The following DNAH17 variants were observed in gnomAD, a reference collection of about 807,000 sequenced individuals.
DNAH17 encodes axonemal beta dynein heavy chain 17.
DNAH17 carries 376 observed loss-of-function variants against 485.6 expected under a neutral mutation model. The observed-to-expected ratio is 0.77, with a 90% CI of 0.71 to 0.84. DNAH17 has a LOEUF of 0.84. Ranked by LOEUF, DNAH17 falls within the 40% of genes least tolerant of loss-of-function variation. The pLI, the probability that DNAH17 is intolerant of heterozygous loss-of-function variation, is 0.00. For missense variants in DNAH17, 6,370 were observed against 5,839.3 expected (o/e 1.09, Z -2.96); for synonymous variants, 3,031 against 2,405.9 (o/e 1.26, Z -7.60).
At position 78,434,238 on chromosome 17, in the gene DNAH17, C is replaced by T. The variant is rs573808870; in HGVS notation, c.12034-18G>A. The T allele has an allele frequency of 3.1e-5, 50 of 1,592,884 alleles. No individual in the cohort carries two copies. The highest frequency in any genetic ancestry group is 6.7e-5 in the African/African-American group (5 of 74,688). ...AGGGTGTCCTGTGGGGCACACGCTCCGGTCAGGTATTAGGGAGAGGGAGAA... is the reference window on the plus strand; with the variant it reads ...AGGGTGTCCTGTGGGGCACACGCTCTGGTCAGGTATTAGGGAGAGGGAGAA... On this transcript the variant is annotated intron_variant, in intron 74 of 80. Coordinates refer to ENST00000389840, the MANE Select transcript of DNAH17 (RefSeq NM_173628.4).
chr17:78,491,368 G>A (rs962084730), intron 43 of DNAH17, 75 bp downstream of exon 43: 274 of 1,551,846 alleles, frequency 1.8e-4, no homozygotes, highest in Non-Finnish European at 2.2e-4. Flanking sequence ...TGAGTGCTCC[G>A]TAGGCGCCTC....
chr17:78,568,227 C>G (rs1394711094), intron 9 of DNAH17, among the ~76,000 whole-genome samples: 3 of 152,060 alleles, frequency 2.0e-5, no homozygotes, highest in Non-Finnish European at 1.5e-5. Flanking sequence ...GCTCCTTGGC[C>G]CAAAGTGTGA....
chr17:78,553,319 TA>T (rs754561606), intron 14 of DNAH17, among the ~76,000 whole-genome samples: 1,607 of 28,640 alleles, frequency 0.056, 468 homozygotes, highest in African/African-American at 0.08. Flanking sequence ...TTTTTTTTTT[TA>T]AGATGGAGTC....
intron 11 of DNAH17, among the ~76,000 whole-genome samples, chr17:78,564,820 C>CA (rs1194064026): frequency 6.6e-6 from 1 of 152,068 alleles, no homozygotes; most frequent in Non-Finnish European, 1.5e-5. Context: ...CATTAGTATA[C>CA]AAATGAATAT....
At position 78,458,773 on chromosome 17, in the gene DNAH17, G is replaced by T. The variant is rs944887917; in HGVS notation, c.9862-93C>A. ...CAGGGCTGGGCCCTGTGAGCGCTGA[G>T]CGTGGAAGAGGCTCCCACAAAGGCT... On this transcript the variant is annotated intron_variant, in intron 61 of 80. Coordinates refer to ENST00000389840, the MANE Select transcript of DNAH17 (RefSeq NM_173628.4). The T allele has an allele frequency of 4.9e-6, 6 of 1,231,176 alleles. No homozygotes were observed. In the African/African-American group the frequency reaches 9.0e-5, roughly 18 times the overall value. 76.3% of individuals were successfully genotyped at this position (1,231,176 alleles called of 1,614,324 possible). A position where few individuals can be genotyped will look rare whatever the true frequency, so the allele number is the denominator to read the frequency against.
chr17:78,528,372 C>T (rs1468365826), intron 22 of DNAH17, among the ~76,000 whole-genome samples: 2 of 152,092 alleles, frequency 1.3e-5, no homozygotes, highest in East Asian at 1.9e-4. Flanking sequence ...CTGATCCTCC[C>T]ACCTCCTGAG....
At position 78,548,202 on chromosome 17, in the gene DNAH17, C is replaced by CTTTTTTTTTTTTTTTTT. The variant is rs34701814; in HGVS notation, c.2391+3316_2391+3332dup. Among the ~76,000 whole-genome samples the CTTTTTTTTTTTTTTTTT allele has an allele frequency of 2.6e-4, 21 of 80,114 alleles. 3 individuals are homozygous for CTTTTTTTTTTTTTTTTT. Among genetic ancestry groups the CTTTTTTTTTTTTTTTTT allele is most frequent in the African/African-American group, 8.0e-4 (15 of 18,716 alleles). 52.6% of individuals were successfully genotyped at this position (80,114 alleles called of 152,430 possible). A position where few individuals can be genotyped will look rare whatever the true frequency, so the allele number is the denominator to read the frequency against. ...GTTGTTATTTCGTAGATGTCATGGC[C>CTTTTTTTTTTTTTTTTT]TTTTTTTTTTTTTTTTTTTGGAGAC... On this transcript the variant is annotated intron_variant, in intron 16 of 80. Coordinates refer to ENST00000389840, the MANE Select transcript of DNAH17 (RefSeq NM_173628.4).
intron 75 of DNAH17, 72 bp downstream of exon 75, chr17:78,433,957 G>GAGGGAAGGAGGA: frequency 7.7e-7 from 1 of 1,298,560 alleles, no homozygotes. Flanking sequence ...GGGAAGGAGG[G>GAGGGAAGGAGGA]AGGGAAGGAG....
chr17:78,512,213 C>T (rs917279782), intron 26 of DNAH17, among the ~76,000 whole-genome samples: 18 of 152,222 alleles, frequency 1.2e-4, no homozygotes, highest in Non-Finnish European at 1.8e-4. Context: ...TAAGCATTGC[C>T]GCTGTGCAGG....
chr17:78,479,424 C>G, intron 50 of DNAH17, 61 bp downstream of exon 50: 1 of 1,514,112 alleles, frequency 6.6e-7, no homozygotes, highest in Non-Finnish European at 8.8e-7. Flanking sequence ...TGTGAAGAAC[C>G]ATCAGCCCAC....
At chr17:78,507,200 G>T in intron 29 of DNAH17, 78 bp downstream of exon 29, 1 of 1,539,882 alleles carries the variant, frequency 6.5e-7, no homozygotes, top group Non-Finnish European at 8.9e-7. Flanking sequence ...GGCTGCACAA[G>T]ACTTAAGTTC....
chr17:78,475,317 C>A lies in DNAH17; in HGVS notation c.8472G>T (p.Gln2824His). ...TCCCGTAGCCCTTCTTGAGGGTGATCTGAAACACGTCAAGCCCGCTGATGT... is the reference window on the plus strand; with the variant it reads ...TCCCGTAGCCCTTCTTGAGGGTGATATGAAACACGTCAAGCCCGCTGATGT... The part of the protein sequence containing the change: ...AAYISGLDVF[Q>H]ITLKKGYGIP... The change falls in exon 54 of 81, where the codon CAG (glutamine) becomes CAT (histidine). Residue 2824 changes from glutamine (Q) to histidine (H), a missense_variant. Physicochemically the swap from Gln to His is conservative, Grantham distance 24. Coordinates refer to ENST00000389840, the MANE Select transcript of DNAH17 (RefSeq NM_173628.4). 2.5e-6 allele frequency: 4 copies of A among 1,613,998 alleles called. No individual in the cohort carries two copies. The highest frequency in any genetic ancestry group is 3.4e-6 in the Non-Finnish European group (4 of 1,179,888).
chr17:78,440,810 A>G (rs1568054154), intron 72 of DNAH17, among the ~76,000 whole-genome samples: 1 of 152,236 alleles, frequency 6.6e-6, no homozygotes, highest in Non-Finnish European at 1.5e-5. Context: ...AGAAACCACC[A>G]GACTGTTTTC....
chr17:78,573,642 G>A (rs1027469928), intron 2 of DNAH17, among the ~76,000 whole-genome samples: 1 of 151,548 alleles, frequency 6.6e-6, no homozygotes, highest in African/African-American at 2.4e-5. Flanking sequence ...AGATTACTAG[G>A]GTGGGCCCTA....
At chr17:78,560,695 C>T (rs182987220) in intron 13 of DNAH17, 45 bp downstream of exon 13, 65 of 1,500,598 alleles carry the variant, frequency 4.3e-5, no homozygotes, top group East Asian at 3.5e-4. Context: ...GCCCTCCCCC[C>T]GCTCCCAAGG....
chr17:78,512,149 G>A (rs2090651466), intron 26 of DNAH17, among the ~76,000 whole-genome samples: 1 of 152,226 alleles, frequency 6.6e-6, no homozygotes, highest in Non-Finnish European at 1.5e-5. Context: ...GGAACCATTT[G>A]TCCCCATTCT....
In DNAH17 at chr17:78,515,129, G is replaced by A; in HGVS notation, c.3865-107C>T. The stretch of plus-strand genomic sequence containing the variant: ...ACTCGCAGGGAGCAAAGCCCAGTGA[G>A]GAATATTTAGAACTAATACCCGAGA... On this transcript the variant is annotated intron_variant, in intron 25 of 80. Coordinates refer to ENST00000389840, the MANE Select transcript of DNAH17 (RefSeq NM_173628.4). The A allele has an allele frequency of 5.3e-6, 7 of 1,325,982 alleles. 1 individual carries two copies. The highest frequency in any genetic ancestry group is 7.2e-6 in the Non-Finnish European group (7 of 967,814). The allele number at this position is 1,325,982 out of a possible 1,614,324, so 82.1% of individuals were successfully genotyped here. A position where few individuals can be genotyped will look rare whatever the true frequency, so the allele number is the denominator to read the frequency against.
intron 76 of DNAH17, 37 bp from the exon 77 acceptor site, chr17:78,428,744 T>C (rs528165757): frequency 4.3e-6 from 7 of 1,609,842 alleles, no homozygotes; most frequent in Admixed American, 3.3e-5. Flanking sequence ...GAGGCAAAGC[T>C]GTGCAGGCTG....
rs74001400 is a variant in DNAH17, at chr17:78,526,577, G to T, written c.3711+74C>A. The T allele has an allele frequency of 3.0e-3, 3,965 of 1,323,918 alleles. 99 individuals carry two copies. The African/African-American group carries it at 0.051, about 17-fold the overall frequency. 82.0% of individuals were successfully genotyped at this position (1,323,918 alleles called of 1,614,324 possible). Reference sequence around the variant, plus strand: ...GGAGACCACGTTTCTGGACTTGAAAGGATAACTACTTGAGAAAAGAAAGCA... The same window carrying T: ...GGAGACCACGTTTCTGGACTTGAAATGATAACTACTTGAGAAAAGAAAGCA... On this transcript the variant is annotated intron_variant, in intron 24 of 80. Coordinates refer to ENST00000389840, the MANE Select transcript of DNAH17 (RefSeq NM_173628.4).
Sources: allele counts gnomAD v4.1 joint callset (sites outside exome capture counted in the v4.1 genomes callset), GRCh38; gene constraint gnomAD v4.1.1; transcripts MANE v1.5; gene names NCBI Gene and HGNC (gene_info 2026-07-23, HGNC 2026-07-21).